The following DNAJC6 variants were observed in gnomAD, a reference collection of about 807,000 sequenced individuals.
DNAJC6 encodes auxilin.
Under a neutral mutation model 110.0 loss-of-function variants are expected in DNAJC6, and 34 were observed. The observed-to-expected ratio is 0.31, with a 90% CI of 0.24 to 0.41. The LOEUF is 0.41. Ranked by LOEUF, DNAJC6 falls within the 10% of genes least tolerant of loss-of-function variation. The probability of loss-of-function intolerance (pLI) is 1.00; values close to 1 mark genes in which losing one functional copy is unlikely to be tolerated. For missense variants in DNAJC6, 1,031 were observed against 1,207.8 expected (o/e 0.85, Z 2.17); for synonymous variants, 406 against 437.2 (o/e 0.93, Z 0.89).
At chr1:65,385,048 C>G (rs1266101967) in intron 6 of DNAJC6, among the ~76,000 whole-genome samples, 1 of 152,182 alleles carries the variant, frequency 6.6e-6, no homozygotes, top group African/African-American at 2.4e-5. Context: ...GCTCTAAGAC[C>G]AGTCCCTTTT....
In DNAJC6 at chr1:65,389,543, G is replaced by T; in HGVS notation, c.1388-4G>T. The T allele has an allele frequency of 6.2e-7, 1 of 1,613,998 alleles. No homozygotes were observed. The stretch of plus-strand genomic sequence containing the variant: ...TGATGCTACATGGTCTTTTTGTCTT[G>T]CAGGACAGGCTCCAATAGATATCCC... On this transcript the variant is annotated splice_region_variant and splice_polypyrimidine_tract_variant and intron_variant, in intron 10 of 18. Transcript: ENST00000371069.
intron 15 of DNAJC6, among the ~76,000 whole-genome samples, chr1:65,404,580 A>G (rs1646058002): frequency 6.6e-6 from 1 of 152,234 alleles, no homozygotes; most frequent in Non-Finnish European, 1.5e-5. Flanking sequence ...GAATGCAAGA[A>G]TGAATGACAG....
intron 1 of DNAJC6, among the ~76,000 whole-genome samples, chr1:65,316,404 T>C (rs1435915279): frequency 1.3e-5 from 2 of 152,220 alleles, no homozygotes; most frequent in Non-Finnish European, 2.9e-5. Context: ...CAATGGTCAT[T>C]CTCCATGCTC....
At chr1:65,289,067 T>C (rs982103761) in intron 1 of DNAJC6, among the ~76,000 whole-genome samples, 1 of 152,216 alleles carries the variant, frequency 6.6e-6, no homozygotes, top group African/African-American at 2.4e-5. Flanking sequence ...GGTATGTGCA[T>C]ATTGAGCTTT....
At chr1:65,347,405 C>CTT (rs898237039) in intron 1 of DNAJC6, among the ~76,000 whole-genome samples, 2 of 144,386 alleles carry the variant, frequency 1.4e-5, no homozygotes, top group Admixed American at 7.0e-5. Context: ...TGTAGATTTT[C>CTT]TTTTTTTTTT....
At position 65,401,813 on chromosome 1, in the gene DNAJC6, G is replaced by T. The variant is rs752402466; in HGVS notation, c.2160G>T (p.Ser720=). The change falls in exon 15 of 19, where the codon TCG becomes TCT. Residue 720 remains serine, a synonymous_variant. Transcript: ENST00000371069. The part of the protein sequence containing the change: ...KSAATSPTGS[S]HGTPTHQSKP... ...CTGCCACCAGCCCAACCGGATCCTC[G>T]CATGGTACTCCCACCCATCAAAGCA... is the stretch of plus-strand genomic sequence containing the variant. 1.8e-5 allele frequency: 29 copies of T among 1,613,878 alleles called. 1 individual carries two copies. Among genetic ancestry groups the T allele is most frequent in the East Asian group, 2.2e-5 (1 of 44,836 alleles).
intron 1 of DNAJC6, among the ~76,000 whole-genome samples, chr1:65,295,359 C>A (rs890389806): frequency 3.3e-5 from 5 of 152,176 alleles, no homozygotes; most frequent in Non-Finnish European, 7.3e-5. Context: ...GCTCCTTCAA[C>A]CTCTGTGTGT....
intron 1 of DNAJC6, among the ~76,000 whole-genome samples, chr1:65,293,389 C>T (rs898575226): frequency 6.6e-6 from 1 of 152,080 alleles, no homozygotes; most frequent in Admixed American, 6.5e-5. Context: ...GGGGGCCCTA[C>T]CCACATAACC....
chr1:65,378,294 T>C (rs1443765420), intron 4 of DNAJC6, among the ~76,000 whole-genome samples: 4 of 152,228 alleles, frequency 2.6e-5, no homozygotes, highest in African/African-American at 9.6e-5. Flanking sequence ...TTAACAAGAC[T>C]GTATAATCTG....
chr1:65,345,729 G>T (rs1645431155), intron 1 of DNAJC6: 1 of 969,162 alleles, frequency 1.0e-6, no homozygotes, highest in African/African-American at 1.8e-5. Flanking sequence ...ACCAGGTAAG[G>T]GTGTACTTTT....
chr1:65,275,312 TTTTGTC>T (rs1334402537), intron 1 of DNAJC6, among the ~76,000 whole-genome samples: 2 of 152,220 alleles, frequency 1.3e-5, no homozygotes, highest in East Asian at 3.8e-4. Flanking sequence ...AATGAGTTGA[TTTTGTC>T]TTTGCTTTTG....
intron 5 of DNAJC6, 44 bp from the exon 6 acceptor site, chr1:65,384,149 G>A: frequency 7.2e-7 from 1 of 1,381,150 alleles, no homozygotes; most frequent in Non-Finnish European, 9.5e-7. Context: ...GAGAATGGCT[G>A]ATTTGATCAT....
In DNAJC6 at chr1:65,413,174, T is replaced by C. The variant is rs1646144269; in HGVS notation, c.*149T>C. The C allele has an allele frequency of 9.5e-6, 6 of 629,328 alleles. No homozygotes were observed. Among genetic ancestry groups the C allele is most frequent in the Non-Finnish European group, 1.6e-5 (6 of 371,942 alleles). The allele number at this position is 629,328 out of a possible 1,614,324, so 39.0% of individuals were successfully genotyped here. A position where few individuals can be genotyped will look rare whatever the true frequency, so the allele number is the denominator to read the frequency against. On this transcript the variant is annotated 3_prime_UTR_variant, in exon 19 of 19. Transcript: ENST00000371069. ...TACTCATGAATTAATTTCTCATTGA[T>C]AAGGAATGTGGATGTTTGGTTTCTC...
chr1:65,293,993 T>C (rs1224843644), intron 1 of DNAJC6, among the ~76,000 whole-genome samples: 1 of 152,212 alleles, frequency 6.6e-6, no homozygotes, highest in Admixed American at 6.5e-5. Context: ...CACTCAGTTA[T>C]CTTAACTAAA....
At chr1:65,286,208 T>A (rs1009473156) in intron 1 of DNAJC6, among the ~76,000 whole-genome samples, 3 of 152,202 alleles carry the variant, frequency 2.0e-5, no homozygotes, top group Non-Finnish European at 4.4e-5. Context: ...ATTAGCCATT[T>A]GAATAGCAGA....
At chr1:65,336,547 G>A (rs751265309) in intron 1 of DNAJC6, among the ~76,000 whole-genome samples, 5 of 152,190 alleles carry the variant, frequency 3.3e-5, no homozygotes, top group East Asian at 3.8e-4. Context: ...ACTCAGCTTC[G>A]ACAATTATCC....
At chr1:65,359,254 C>T (rs571058997) in intron 1 of DNAJC6, among the ~76,000 whole-genome samples, 5 of 152,100 alleles carry the variant, frequency 3.3e-5, no homozygotes, top group Non-Finnish European at 7.4e-5. Context: ...AATTCTCTCC[C>T]AGGAAACACA....
intron 1 of DNAJC6, among the ~76,000 whole-genome samples, chr1:65,314,405 T>C (rs752238064): frequency 7.9e-5 from 12 of 152,204 alleles, no homozygotes; most frequent in Non-Finnish European, 1.6e-4. Flanking sequence ...AACATATATG[T>C]ACTAATAATC....
chr1:65,335,602 G>C (rs995181980), intron 1 of DNAJC6, among the ~76,000 whole-genome samples: 1 of 152,152 alleles, frequency 6.6e-6, no homozygotes. Context: ...GGGAAGCCGC[G>C]TGGCTCACTG....
Sources: gnomAD v4.1 joint callset for allele counts (sites outside exome capture counted in the v4.1 genomes callset) on GRCh38, gnomAD v4.1.1 for gene constraint, MANE v1.5 for transcripts, NCBI Gene and HGNC (gene_info 2026-07-23, HGNC 2026-07-21) for gene names.